Variants in RGL2 observed in about 807,000 individuals in gnomAD.
The protein encoded by RGL2 is ral guanine nucleotide dissociation stimulator like 2, also known as ral guanine nucleotide dissociation stimulator-like 2.
Under a neutral mutation model 84.6 loss-of-function variants are expected in RGL2, and 40 were observed. That is an observed-to-expected ratio of 0.47 (90% CI 0.37 to 0.62). RGL2 has a LOEUF of 0.62. Among genes scored for constraint, RGL2 ranks in the 20% least tolerant of loss-of-function variants. The pLI is 0.00. For synonymous variants in RGL2, 369 were observed against 417.3 expected (o/e 0.88, Z 1.41); for missense variants, 865 against 1,019.7 (o/e 0.85, Z 2.07).
At position 33,295,659 on chromosome 6, in the gene RGL2, G is replaced by A; in HGVS notation, c.869C>T (p.Thr290Ile). The change falls in exon 7 of 18, where the codon ACT becomes ATT. Residue 290 changes from threonine to isoleucine, a missense_variant. Physicochemically the swap from Thr to Ile is moderately conservative, Grantham distance 89. Around this residue, in one of 5 missense-constraint regions of RGL2, gnomAD observed 455 missense variants for 507.8 expected, o/e 0.90. Coordinates refer to ENST00000497454, the MANE Select transcript of RGL2 (RefSeq NM_004761.5). The surrounding 1 kb of genome is among the most constrained non-coding windows in gnomAD (Gnocchi z 7.2). Reference protein sequence around the residue: ...HSHLCPSVRATVTQFNKVAGA... With the variant: ...HSHLCPSVRAIVTQFNKVAGA... ...TGCCACCTTGTTAAACTGTGTGACA[G>A]TAGCTCGGACAGATGGGCAGAGGTG... The A allele has an allele frequency of 6.2e-7, 1 of 1,613,960 alleles. No homozygotes were observed. The highest frequency in any genetic ancestry group is 8.5e-7 in the Non-Finnish European group (1 of 1,180,044).
intron 17 of RGL2, 41 bp from the exon 18 acceptor site, chr6:33,292,354 G>T (rs759490340): frequency 5.0e-6 from 8 of 1,609,264 alleles, no homozygotes; most frequent in Non-Finnish European, 6.0e-6. Flanking sequence ...ACACACAGTT[G>T]TTCCCCCCAC....
At position 33,297,103 on chromosome 6, in the gene RGL2, C is replaced by T. The variant is rs777142776; in HGVS notation, c.169G>A (p.Val57Ile). ...GCACCATCCTCCTCCTCATCCCAGA[C>T]GGACACAGGGGCCTGGAGGAGCAAG... ...EEEEEEAPVS[V>I]WDEEEDGAVF... The change falls in exon 3 of 18, where the codon GTC becomes ATC. Residue 57 changes from valine to isoleucine, a missense_variant. Transcript: ENST00000497454. This position sits in a 1 kb window ranked among gnomAD's most constrained non-coding sequence, Gnocchi z 4.0. The T allele has an allele frequency of 3.2e-6, 5 of 1,557,654 alleles. No individual in the cohort carries two copies. The African/African-American group carries it at 4.1e-5, about 13-fold the overall frequency.
rs1406125624 is a variant in RGL2, at chr6:33,295,513, C to T, written c.1015G>A (p.Ala339Thr). Residue 339 changes from alanine to threonine, a missense_variant, in exon 7 of 18, where the codon GCA becomes ACA. Coordinates refer to ENST00000497454, the MANE Select transcript of RGL2 (RefSeq NM_004761.5). This position sits in a 1 kb window ranked among gnomAD's most constrained non-coding sequence, Gnocchi z 7.2. ...ARLLEKWIRV[A>T]EECRLLRNFS... ...AGGGCAATCTTCTCTCTCACCTCTG[C>T]CACGCGGATCCACTTCTCCAGGAGC... The T allele has an allele frequency of 6.2e-7, 1 of 1,613,284 alleles. No individual in the cohort carries two copies. The highest frequency in any genetic ancestry group is 1.1e-5 in the South Asian group (1 of 91,012).
In RGL2 at chr6:33,298,189, G is replaced by A. The variant is rs1768191972; in HGVS notation, c.156+266C>T. 2.5e-6 allele frequency: 1 copy of A among 395,800 alleles called. No homozygotes were observed. The highest frequency in any genetic ancestry group is 4.7e-5 in the South Asian group (1 of 21,236). 24.5% of individuals were successfully genotyped at this position (395,800 alleles called of 1,614,324 possible). A position where few individuals can be genotyped will look rare whatever the true frequency, so the allele number is the denominator to read the frequency against. On this transcript the variant is annotated intron_variant, in intron 2 of 17. Coordinates refer to ENST00000497454, the MANE Select transcript of RGL2 (RefSeq NM_004761.5). The surrounding 1 kb of genome is among the most constrained non-coding windows in gnomAD (Gnocchi z 4.8). The stretch of plus-strand genomic sequence containing the variant: ...TAGGCACACTCAGGCAGGCAGAGGT[G>A]GAGGGCCAAAGACCCGCAGGGACAG...
At chr6:33,299,355 A>G (rs531214850), upstream of RGL2, 7 of 152,076 alleles carry the variant, frequency 4.6e-5, no homozygotes, top group Non-Finnish European at 1.0e-4. This position sits in a 1 kb window ranked among gnomAD's most constrained non-coding sequence, Gnocchi z 5.0. Context: ...TACCCTCCCT[A>G]CCACAACCCA....
Position 33,294,863 on chromosome 6 carries a change from T to C in RGL2, c.1279-101A>G, listed in dbSNP as rs918064179. 4 of 1,493,166 alleles carry C rather than the reference T, an allele frequency of 2.7e-6. No homozygotes were observed. The highest frequency in any genetic ancestry group is 3.7e-6 in the Non-Finnish European group (4 of 1,093,308). The allele number at this position is 1,493,166 out of a possible 1,614,324, so 92.5% of individuals were successfully genotyped here. On this transcript the variant is annotated intron_variant, in intron 10 of 17. Transcript: ENST00000497454. The surrounding 1 kb of genome is among the most constrained non-coding windows in gnomAD (Gnocchi z 5.0). ...CATTGCCTCAGAGAACAGATTTCAT[T>C]CTCCTCACCCCTCTGTGCCTCCCTT...
In RGL2 at chr6:33,296,135, C is replaced by G; in HGVS notation, c.661G>C (p.Asp221His). 1 of 1,613,574 alleles carries G rather than the reference C, an allele frequency of 6.2e-7. No homozygotes were observed. The part of the protein sequence containing the change: ...LRSRVDPQAP[D>H]LPKPLALPGD... ...GGGAGGGCCAGGGGCTTAGGAAGGT[C>G]GGGGGCCTGGGGGTCCACCCGGGAC... Residue 221 changes from aspartate to histidine, a missense_variant, in exon 6 of 18, where the codon GAC (aspartate) becomes CAC (histidine). Around this residue, in one of 5 missense-constraint regions of RGL2, gnomAD observed 455 missense variants for 507.8 expected, o/e 0.90. Coordinates refer to ENST00000497454, the MANE Select transcript of RGL2 (RefSeq NM_004761.5). This position sits in a 1 kb window ranked among gnomAD's most constrained non-coding sequence, Gnocchi z 5.0.
Position 33,295,268 on chromosome 6 carries a change from C to T in RGL2, c.1124+51G>A. 1.3e-6 allele frequency: 2 copies of T among 1,563,568 alleles called. No homozygotes were observed. The highest frequency in any genetic ancestry group is 1.2e-5 in the South Asian group (1 of 85,626). ...AGGCCTGGCTCTGTCACCCCCTCTT[C>T]CCCGCCTTCTGAGGAACCCCCACCC... On this transcript the variant is annotated intron_variant, in intron 8 of 17. Coordinates refer to ENST00000497454, the MANE Select transcript of RGL2 (RefSeq NM_004761.5). This position sits in a 1 kb window ranked among gnomAD's most constrained non-coding sequence, Gnocchi z 7.2.
upstream of RGL2, chr6:33,299,453 C>T (rs1562674459): frequency 6.6e-6 from 1 of 152,138 alleles, no homozygotes; most frequent in African/African-American, 2.4e-5. This position sits in a 1 kb window ranked among gnomAD's most constrained non-coding sequence, Gnocchi z 5.0. Flanking sequence ...AGGAAGCAGC[C>T]ACATCCGGTT....
In RGL2 at chr6:33,292,331, G is replaced by A. The variant is rs1767481704; in HGVS notation, c.2123-18C>T. The A allele has an allele frequency of 5.0e-6, 8 of 1,611,560 alleles. No homozygotes were observed. Among genetic ancestry groups the A allele is most frequent in the Non-Finnish European group, 5.9e-6 (7 of 1,178,036 alleles). On this transcript the variant is annotated intron_variant, in intron 17 of 17. Transcript: ENST00000497454. ...AGTCAGCTCTGAAGGTTCAGGGGAT[G>A]GATGTAAAGCACACACACAGTTGTT...
Position 33,295,783 on chromosome 6 carries a change from A to G in RGL2, c.769-24T>C. ...TCCTGCAGGGTAGAGGTCAGAGGTT[A>G]AAGTTCATAGTCAAGTGAGGTCAGC... On this transcript the variant is annotated intron_variant, in intron 6 of 17. Transcript: ENST00000497454. The surrounding 1 kb of genome is among the most constrained non-coding windows in gnomAD (Gnocchi z 7.2). The G allele has an allele frequency of 6.2e-7, 1 of 1,605,660 alleles. No homozygotes were observed. The highest frequency in any genetic ancestry group is 1.1e-5 in the South Asian group (1 of 90,252).
rs761138726 is a variant in RGL2, at chr6:33,295,475, G to A, written c.1020+33C>T. The A allele has an allele frequency of 1.9e-6, 3 of 1,613,288 alleles. No individual in the cohort carries two copies. The highest frequency in any genetic ancestry group is 1.6e-4 in the Middle Eastern group (1 of 6,084). On this transcript the variant is annotated intron_variant, in intron 7 of 17. Transcript: ENST00000497454. The surrounding 1 kb of genome is among the most constrained non-coding windows in gnomAD (Gnocchi z 7.2). ...GCTATGGGAGGCCTCTCCATTCCAT[G>A]GCCACAAACCGTAGGGCAATCTTCT...
chr6:33,293,441 G>T lies in RGL2; in HGVS notation c.1688C>A (p.Pro563His), dbSNP rs771859271. ...STGGDEAPTT[P>H]APLLTRLAQH... is the part of the protein sequence containing the mutation. ...GGCCAGCCGAGTCAGCAGAGGAGCA[G>T]GAGTTGTAGGCGCCTCATCTCCCCC... Residue 563 changes from proline (P) to histidine (H), a missense_variant, in exon 15 of 18, where the codon CCT (proline) becomes CAT (histidine). Pro to His is a moderately conservative substitution (Grantham distance 77). This residue lies in a region of RGL2 where 302 missense variants were observed against 327.9 expected (regional missense o/e 0.92). Coordinates refer to ENST00000497454, the MANE Select transcript of RGL2 (RefSeq NM_004761.5). This position sits in a 1 kb window ranked among gnomAD's most constrained non-coding sequence, Gnocchi z 7.0. 1 of 1,614,008 alleles carries T rather than the reference G, an allele frequency of 6.2e-7. No homozygotes were observed. Among genetic ancestry groups the T allele is most frequent in the Non-Finnish European group, 8.5e-7 (1 of 1,179,984 alleles).
chr6:33,295,289 C>CA lies in RGL2; in HGVS notation c.1124+29dup, dbSNP rs1562661755. The CA allele has an allele frequency of 6.4e-7, 1 of 1,560,174 alleles. No individual in the cohort carries two copies. Among genetic ancestry groups the CA allele is most frequent in the Non-Finnish European group, 8.7e-7 (1 of 1,151,790 alleles). On this transcript the variant is annotated intron_variant, in intron 8 of 17. Coordinates refer to ENST00000497454, the MANE Select transcript of RGL2 (RefSeq NM_004761.5). The surrounding 1 kb of genome is among the most constrained non-coding windows in gnomAD (Gnocchi z 7.2). ...TCTTCCCCGCCTTCTGAGGAACCCC[C>CA]ACCCCAGTCCAATGCCTCAGCCTCC...
In RGL2 at chr6:33,293,082, A is replaced by G; in HGVS notation, c.1941T>C (p.Ser647=). ...YGGEGSGPGA[S]DCRIIRVQME... ...TCTGGACTCGGATGATACGGCAATC[A>G]GAGGCCCCTGGCCCAGATCCCTCTC... Residue 647 remains serine (S), a synonymous_variant, in exon 16 of 18, where the codon TCT becomes TCC. Transcript: ENST00000497454. The surrounding 1 kb of genome is among the most constrained non-coding windows in gnomAD (Gnocchi z 7.0). 3 of 1,614,200 alleles carry G rather than the reference A, an allele frequency of 1.9e-6. No individual in the cohort carries two copies. The highest frequency in any genetic ancestry group is 2.5e-6 in the Non-Finnish European group (3 of 1,180,046).
chr6:33,293,783 C>A lies in RGL2; in HGVS notation c.1508+12G>T. 1 of 1,613,976 alleles carries A rather than the reference C, an allele frequency of 6.2e-7. No homozygotes were observed. Among genetic ancestry groups the A allele is most frequent in the Non-Finnish European group, 8.5e-7 (1 of 1,179,844 alleles). On this transcript the variant is annotated intron_variant, in intron 13 of 17. Transcript: ENST00000497454. This position sits in a 1 kb window ranked among gnomAD's most constrained non-coding sequence, Gnocchi z 7.0. Reference sequence around the variant, plus strand: ...CCAGAACCCTGGAGTCCCAACCTCACCCGCCAGTCACCTCTGAGCCTCTGT... The same window carrying A: ...CCAGAACCCTGGAGTCCCAACCTCAACCGCCAGTCACCTCTGAGCCTCTGT...
chr6:33,296,776 C>T lies in RGL2; in HGVS notation c.241G>A (p.Val81Ile). The T allele has an allele frequency of 1.9e-6, 3 of 1,613,940 alleles. No homozygotes were observed. Among genetic ancestry groups the T allele is most frequent in the Non-Finnish European group, 2.5e-6 (3 of 1,180,002 alleles). Residue 81 changes from valine (V) to isoleucine (I), a missense_variant and splice_region_variant, in exon 4 of 18, where the codon GTC becomes ATC. By Grantham distance (29) the Val-to-Ile change is conservative (BLOSUM62 3). Coordinates refer to ENST00000497454, the MANE Select transcript of RGL2 (RefSeq NM_004761.5). The surrounding 1 kb of genome is among the most constrained non-coding windows in gnomAD (Gnocchi z 5.0). ...GAGGAACGTGGGGGAGGCATAGGGA[C>T]CTGGAGAACACAGAGAGATGATCGC... ...SRQYRPLDPL[V>I]PMPPPRSSRR...
Position 33,298,489 on chromosome 6 carries a change from C to G in RGL2, c.122G>C (p.Gly41Ala), listed in dbSNP as rs1768239210. 1 of 1,522,400 alleles carries G rather than the reference C, an allele frequency of 6.6e-7. No individual in the cohort carries two copies. The allele number at this position is 1,522,400 out of a possible 1,614,324, so 94.3% of individuals were successfully genotyped here. ...TTCCTCCTCCTCTTCCTCCTGCCCC[C>G]CGCCCACGACCAGGCCACCTGGGCC... ...GGGPGGLVVGGGQEEEEEEEE... is the reference protein window; with the variant it reads ...GGGPGGLVVGAGQEEEEEEEE... Residue 41 changes from glycine (G) to alanine (A), a missense_variant, in exon 2 of 18, where the codon GGG (glycine) becomes GCG (alanine). Gly to Ala is a moderately conservative substitution (Grantham distance 60, BLOSUM62 0). Around this residue, in one of 5 missense-constraint regions of RGL2, gnomAD observed 455 missense variants for 507.8 expected, o/e 0.90. Transcript: ENST00000497454. The surrounding 1 kb of genome is among the most constrained non-coding windows in gnomAD (Gnocchi z 4.8).
At chr6:33,299,413 G>T (rs1035268415), upstream of RGL2, 1 of 152,072 alleles carries the variant, frequency 6.6e-6, no homozygotes, top group Non-Finnish European at 1.5e-5. The surrounding 1 kb of genome is among the most constrained non-coding windows in gnomAD (Gnocchi z 5.0). Context: ...AAGGGCCCTC[G>T]ATTCCCGCCC....
Sources: allele counts gnomAD v4.1 joint callset, GRCh38; gene constraint gnomAD v4.1.1; regional missense constraint gnomAD v4.1.1; non-coding constraint Gnocchi (gnomAD v3.1); transcripts MANE v1.5; gene names NCBI Gene and HGNC (gene_info 2026-07-23, HGNC 2026-07-21).